Variants in NXF3 observed in about 807,000 individuals in gnomAD.
NXF3 encodes TAP-like protein 3.
Under a neutral mutation model 48.4 loss-of-function variants are expected in NXF3, and 34 were observed. That is an observed-to-expected ratio of 0.70 (90% confidence interval 0.53 to 0.93). NXF3 has a LOEUF of 0.93. Ranked by LOEUF, NXF3 falls within the 40% of genes least tolerant of loss-of-function variation. The pLI is 0.00. For missense variants in NXF3, 359 were observed against 406.1 expected (o/e 0.88, Z 1.00); for synonymous variants, 132 against 145.7 (o/e 0.91, Z 0.68).
At position 103,080,694 on chromosome X, in the gene NXF3, C is replaced by T. The variant is rs889841809; in HGVS notation, c.891-82G>A. On this transcript the variant is annotated intron_variant, in intron 9 of 19. Transcript: ENST00000395065. ...CTCATGGGAGCAATCACACCTACGT[C>T]AGAGACACAGTGCAGTGTGTCCACC... The T allele has an allele frequency of 2.8e-5, 26 of 929,030 alleles. No homozygotes were observed. The South Asian group carries it at 4.9e-4, about 18-fold the overall frequency. The allele number at this position is 929,030 out of a possible 1,213,427, so 76.6% of individuals were successfully genotyped here.
At chrX:103,082,525 A>G (rs1251153147) in intron 8 of NXF3, among the ~76,000 whole-genome samples, 161 bp from the exon 9 acceptor site, 3 of 111,761 alleles carry the variant, frequency 2.7e-5, no homozygotes, top group African/African-American at 6.5e-5. Context: ...TCTGAGTATT[A>G]CACCTCATTT....
At chrX:103,078,526 G>A in intron 17 of NXF3, 34 bp downstream of exon 17, 1 of 1,210,404 alleles carries the variant, frequency 8.3e-7, no homozygotes, top group South Asian at 1.8e-5. Context: ...CCCCAGGTTG[G>A]GATGGGTGCT....
chrX:103,086,095 G>A (rs1922147193), intron 1 of NXF3, among the ~76,000 whole-genome samples: 1 of 109,281 alleles, frequency 9.2e-6, no homozygotes, highest in African/African-American at 3.3e-5. Flanking sequence ...TACAGGTGTC[G>A]GCCACCGTGC....
At chrX:103,078,446 C>T in intron 17 of NXF3, 114 bp downstream of exon 17, 1 of 1,073,962 alleles carries the variant, frequency 9.3e-7, no homozygotes, top group Admixed American at 2.2e-5. Context: ...AACTATTAGA[C>T]TAGACTGTCG....
Position 103,088,031 on chromosome X carries a change from A to G in NXF3, c.29-3148T>C, listed in dbSNP as rs979434703. 23 of 923,293 alleles carry G rather than the reference A, an allele frequency of 2.5e-5. No individual in the cohort carries two copies. The African/African-American group carries it at 3.1e-4, about 12-fold the overall frequency. The allele number at this position is 923,293 out of a possible 1,213,427, so 76.1% of individuals were successfully genotyped here. A position where few individuals can be genotyped will look rare whatever the true frequency, so the allele number is the denominator to read the frequency against. ...GGTGATATTGGTGAATCTGAGTAGA[A>G]TAATCCACTTTATGTCCACTCAATT... is the stretch of plus-strand genomic sequence containing the variant. On this transcript the variant is annotated intron_variant, in intron 1 of 19. Transcript: ENST00000395065.
chrX:103,091,255 A>G (rs368561890), intron 1 of NXF3, among the ~76,000 whole-genome samples: 8 of 111,828 alleles, frequency 7.2e-5, no homozygotes, highest in African/African-American at 2.6e-4. Context: ...GAAAGTTGGA[A>G]TATTGTAAAA....
At chrX:103,085,381 A>G (rs1922119338) in intron 1 of NXF3, among the ~76,000 whole-genome samples, 1 of 111,397 alleles carries the variant, frequency 9.0e-6, no homozygotes, top group South Asian at 3.8e-4. Flanking sequence ...GGTAACATGG[A>G]ACAAATTGCT....
At position 103,088,440 on chromosome X, in the gene NXF3, C is replaced by G. The variant is rs1021896762; in HGVS notation, c.29-3557G>C. The G allele has an allele frequency of 5.1e-5, 40 of 789,518 alleles. No individual in the cohort carries two copies. The African/African-American group carries it at 7.4e-4, about 15-fold the overall frequency. The allele number at this position is 789,518 out of a possible 1,213,427, so 65.1% of individuals were successfully genotyped here. A position where few individuals can be genotyped will look rare whatever the true frequency, so the allele number is the denominator to read the frequency against. On this transcript the variant is annotated intron_variant, in intron 1 of 19. Coordinates refer to ENST00000395065, the MANE Select transcript of NXF3 (RefSeq NM_022052.2). ...TTCTTGGCAAAAGCAGTTCCAGAACCAAAATGTGGGAAAAAAATGAAAGGT... is the reference window on the plus strand; with the variant it reads ...TTCTTGGCAAAAGCAGTTCCAGAACGAAAATGTGGGAAAAAAATGAAAGGT...
rs770379495 is a variant in NXF3, at chrX:103,079,615, A to G, written c.1188T>C (p.Asp396=). The change falls in exon 14 of 20, where the codon GAT becomes GAC. Residue 396 remains aspartate, a synonymous_variant. Transcript: ENST00000395065. ...APSSFCKFFK[D]SRNIKILKDP... ...CCTTGAGAATTTTTATATTCCTGCT[A>G]TCCTTGAAGAACTTGCAGAAGCTGC... 2 of 1,211,115 alleles carry G rather than the reference A, an allele frequency of 1.7e-6. No individual in the cohort carries two copies. The highest frequency in any genetic ancestry group is 2.2e-5 in the Admixed American group (1 of 45,998).
At chrX:103,076,579 G>T (rs1415658893) in intron 18 of NXF3, among the ~76,000 whole-genome samples, 1 of 111,215 alleles carries the variant, frequency 9.0e-6, no homozygotes, top group Non-Finnish European at 1.9e-5. Flanking sequence ...TCCCCTTTTG[G>T]TTCCTAAATA....
chrX:103,087,815 C>T (rs1922190036), intron 1 of NXF3: 2 of 920,943 alleles, frequency 2.2e-6, no homozygotes, highest in African/African-American at 1.9e-5. Flanking sequence ...AATCCACCAA[C>T]TTACACATTC....
At chrX:103,083,376 TG>T in intron 5 of NXF3, 21 bp downstream of exon 5, 1 of 1,184,851 alleles carries the variant, frequency 8.4e-7, no homozygotes, top group Non-Finnish European at 1.1e-6. Flanking sequence ...ATGCTAGCCC[TG>T]GTCATTCATT....
chrX:103,080,366 C>A (rs1033156916), intron 10 of NXF3, 150 bp from the exon 11 acceptor site: 2 of 665,350 alleles, frequency 3.0e-6, no homozygotes, highest in South Asian at 2.7e-5. Context: ...TCGGGATTGC[C>A]GCCACCTGAA....
intron 1 of NXF3, among the ~76,000 whole-genome samples, chrX:103,085,900 C>CAAAAAAAAAAAAAAAAA (rs56135590): frequency 4.6e-5 from 2 of 43,535 alleles, no homozygotes; most frequent in African/African-American, 9.3e-5. Flanking sequence ...GAGACTCTGT[C>CAAAAAAAAAAAAAAAAA]AAAAAAAAAA....
intron 9 of NXF3, chrX:103,082,013 A>C: frequency 2.6e-6 from 1 of 382,391 alleles, no homozygotes; most frequent in Non-Finnish European, 4.7e-6. Flanking sequence ...AGGGCACGCT[A>C]GAGGAGGCTG....
rs1172767190 is a variant in NXF3 at position 103,084,394 on chromosome X, C to T, written c.299G>A (p.Arg100Lys). ...CCCATCCGGCATGTTCCCCTCCATT[C>T]TTCTCTCTGGAGGTTTTTGCTCTCT... ...MEREQKPPER[R>K]MEGNMPDGTL... Residue 100 changes from arginine (R) to lysine (K), a missense_variant, in exon 3 of 20, where the codon AGA becomes AAA. Transcript: ENST00000395065. The T allele has an allele frequency of 1.1e-5, 13 of 1,209,881 alleles. No individual in the cohort carries two copies. Among genetic ancestry groups the T allele is most frequent in the Admixed American group, 8.7e-5 (4 of 45,735 alleles).
chrX:103,083,426 C>T lies in NXF3; in HGVS notation c.512G>A (p.Gly171Asp). 8.3e-7 allele frequency: 1 copy of T among 1,209,020 alleles called. No homozygotes were observed. Among genetic ancestry groups the T allele is most frequent in the South Asian group, 1.8e-5 (1 of 56,901 alleles). ...SIAYALKNVSGKIWDEDNEKI... is the reference protein window; with the variant it reads ...SIAYALKNVSDKIWDEDNEKI... ...TTCATTATCCTCATCCCAAATCTTG[C>T]CACTGACATTCTTCAGTGCATAGGC... The change falls in exon 5 of 20, where the codon GGC (glycine) becomes GAC (aspartate). Residue 171 changes from glycine to aspartate, a missense_variant. Transcript: ENST00000395065.
chrX:103,079,499 A>AT, intron 14 of NXF3, 25 bp from the exon 15 acceptor site: 1 of 1,194,607 alleles, frequency 8.4e-7, no homozygotes, highest in Non-Finnish European at 1.1e-6. Context: ...AGAAGCAAGG[A>AT]TTTGGGGGGC....
Position 103,087,347 on chromosome X carries a change from G to A in NXF3, c.29-2464C>T, listed in dbSNP as rs946700060. 1.0e-5 allele frequency: 12 copies of A among 1,202,475 alleles called. No homozygotes were observed. The Admixed American group carries it at 2.6e-4, about 26-fold the overall frequency. On this transcript the variant is annotated intron_variant, in intron 1 of 19. Transcript: ENST00000395065. ...GCTAGGCACTATCTCATTCATACTG[G>A]TCAAAAGCCATTTGAATGTGATGTG... is the stretch of plus-strand genomic sequence containing the variant.
Sources: allele counts gnomAD v4.1 joint callset (sites outside exome capture counted in the v4.1 genomes callset), GRCh38; gene constraint gnomAD v4.1.1; transcripts MANE v1.5; gene names NCBI Gene and HGNC (gene_info 2026-07-23, HGNC 2026-07-21).